Variants in AHI1 observed in about 807,000 individuals in gnomAD.
The protein encoded by AHI1 is jouberin.
In AHI1, 123 loss-of-function variants were observed where a neutral mutation model predicts 149.3. The observed-to-expected ratio is 0.82, with a 90% confidence interval of 0.71 to 0.96. AHI1 has a LOEUF of 0.96. AHI1 is among the 40% of genes least tolerant of loss of function. The pLI is 0.00. For synonymous variants in AHI1, 475 were observed against 459.8 expected (o/e 1.03, Z -0.42); for missense variants, 1,439 against 1,422.7 (o/e 1.01, Z -0.18).
At chr6:135,292,586 C>A (rs1478317829) in intron 27 of AHI1, among the ~76,000 whole-genome samples, 1 of 152,182 alleles carries the variant, frequency 6.6e-6, no homozygotes, top group Non-Finnish European at 1.5e-5. Context: ...CAGCAGTGAA[C>A]TGATGAGTGC....
chr6:135,311,707 A>G (rs1247262727), intron 26 of AHI1, among the ~76,000 whole-genome samples: 1 of 152,226 alleles, frequency 6.6e-6, no homozygotes, highest in African/African-American at 2.4e-5. Flanking sequence ...GTTTGTCAGC[A>G]CTACTCGTTT....
At chr6:135,438,350 A>G (rs368974981) in intron 15 of AHI1, 25 bp downstream of exon 15, 29 of 1,571,100 alleles carry the variant, frequency 1.8e-5, no homozygotes, top group Middle Eastern at 1.7e-4. Context: ...CAGCATGCAC[A>G]TAAGTACTTC....
At chr6:135,306,734 C>T (rs916728203) in intron 26 of AHI1, 5 of 152,102 alleles carry the variant, frequency 3.3e-5, no homozygotes, top group Non-Finnish European at 7.4e-5. Context: ...ACTAAATGTC[C>T]CCCCACCAGG....
At position 135,466,036 on chromosome 6, in the gene AHI1, C is replaced by G; in HGVS notation, c.527G>C (p.Gly176Ala). Residue 176 changes from glycine to alanine, a missense_variant, in exon 7 of 29, where the codon GGA becomes GCA. Transcript: ENST00000265602. ...CTCTTCTAAATCAGTCTCTTCTCTT[C>G]CCTCATTTGCCTTCTCACTTTTCTG... ...DHQKSEKANE[G>A]REETDLEEDE... 6.2e-7 allele frequency: 1 copy of G among 1,613,938 alleles called. No homozygotes were observed. Among genetic ancestry groups the G allele is most frequent in the Non-Finnish European group, 8.5e-7 (1 of 1,179,872 alleles).
intron 26 of AHI1, chr6:135,301,393 G>C (rs1329250462): frequency 7.1e-6 from 7 of 982,772 alleles, no homozygotes; most frequent in Non-Finnish European, 8.5e-6. Flanking sequence ...TGAAATGAAA[G>C]AAAAGGAATA....
intron 24 of AHI1, among the ~76,000 whole-genome samples, chr6:135,352,712 T>C (rs12526679): frequency 0.012 from 1,740 of 145,498 alleles, 32 homozygotes; most frequent in African/African-American, 0.038. Flanking sequence ...TATATATATA[T>C]ACACACACAC....
At chr6:135,308,437 T>C (rs1441438554) in intron 26 of AHI1, among the ~76,000 whole-genome samples, 1 of 152,214 alleles carries the variant, frequency 6.6e-6, no homozygotes, top group African/African-American at 2.4e-5. Context: ...GGTTTCACCA[T>C]GTTGCCCAGG....
chr6:135,410,087 T>A (rs1297920785), intron 21 of AHI1, among the ~76,000 whole-genome samples: 1 of 152,164 alleles, frequency 6.6e-6, no homozygotes, highest in Non-Finnish European at 1.5e-5. Context: ...ACAATCCCCA[T>A]AATGGCTCAT....
Position 135,442,691 on chromosome 6 carries a change from GTGTT to G in AHI1, c.1799_1802del (p.Lys600ThrfsTer5), listed in dbSNP as rs1786504555. ...GTTCTCCTGCATTTAGTGAGAAGAGGTGTTTGTTTGGGATACGGCAAGCCTAAAA... is the reference window on the plus strand; with the variant it reads ...GTTCTCCTGCATTTAGTGAGAAGAGGTGTTTGGGATACGGCAAGCCTAAAA... On this transcript the variant is annotated frameshift_variant, in exon 14 of 29. Transcript: ENST00000265602. LOFTEE classifies it high-confidence loss of function. The G allele has an allele frequency of 2.5e-6, 4 of 1,610,876 alleles. No homozygotes were observed. Among genetic ancestry groups the G allele is most frequent in the East Asian group, 2.2e-5 (1 of 44,806 alleles).
At chr6:135,430,091 C>T (rs943073099) in intron 17 of AHI1, 91 bp from the exon 18 acceptor site, 3 of 693,984 alleles carry the variant, frequency 4.3e-6, no homozygotes, top group Non-Finnish European at 7.4e-6. Flanking sequence ...AATATCATTT[C>T]CAATTCCACT....
At chr6:135,420,711 G>A (rs935457804) in intron 20 of AHI1, among the ~76,000 whole-genome samples, 1 of 152,164 alleles carries the variant, frequency 6.6e-6, no homozygotes, top group African/African-American at 2.4e-5. Flanking sequence ...CTGGCATAAG[G>A]GGGTACTGTG....
chr6:135,447,226 G>T, intron 12 of AHI1, 66 bp from the exon 13 acceptor site: 1 of 1,116,326 alleles, frequency 9.0e-7, no homozygotes, highest in Non-Finnish European at 1.2e-6. Context: ...CTAGCATATA[G>T]TTTTTAAAAT....
chr6:135,378,792 A>G (rs966790734), intron 23 of AHI1, among the ~76,000 whole-genome samples: 5 of 152,188 alleles, frequency 3.3e-5, no homozygotes, highest in Non-Finnish European at 5.9e-5. Context: ...CTGATTTGTT[A>G]TTACAATGCA....
chr6:135,387,884 A>G, intron 23 of AHI1: 1 of 1,556,948 alleles, frequency 6.4e-7, no homozygotes, highest in Non-Finnish European at 8.7e-7. Context: ...ATGTGGAGAC[A>G]TTTATCCGAA....
In AHI1 at chr6:135,300,690, A is replaced by C. The variant is rs1040946467; in HGVS notation, c.3427-132T>G. 5 of 1,470,934 alleles carry C rather than the reference A, an allele frequency of 3.4e-6. No homozygotes were observed. The African/African-American group carries it at 7.1e-5, about 21-fold the overall frequency. 91.1% of individuals were successfully genotyped at this position (1,470,934 alleles called of 1,614,324 possible). On this transcript the variant is annotated intron_variant, in intron 26 of 28. Coordinates refer to ENST00000265602, the MANE Select transcript of AHI1 (RefSeq NM_001134831.2). ...ATGCCTGTTCTGAACAGGAATATCT[A>C]TGCCTGTCCTGAACATATATTGTCT...
At chr6:135,448,088 C>T (rs1018532430) in intron 12 of AHI1, among the ~76,000 whole-genome samples, 13 of 152,218 alleles carry the variant, frequency 8.5e-5, no homozygotes, top group African/African-American at 3.1e-4. Context: ...AACATTTTTC[C>T]TAATACTAAA....
intron 24 of AHI1, among the ~76,000 whole-genome samples, chr6:135,356,722 A>G (rs1044081081): frequency 3.0e-4 from 45 of 152,292 alleles, no homozygotes; most frequent in South Asian, 6.2e-4. Flanking sequence ...CTCTTTTAGC[A>G]TACTTACTAA....
Position 135,302,966 on chromosome 6 carries a change from C to G in AHI1, c.3427-2408G>C, listed in dbSNP as rs9494216. The G allele has an allele frequency of 3.8e-3, 1,668 of 441,786 alleles. 36 individuals carry two copies. Among genetic ancestry groups the G allele is most frequent in the African/African-American group, 0.033 (1,567 of 47,588 alleles). 27.4% of individuals were successfully genotyped at this position (441,786 alleles called of 1,614,324 possible). On this transcript the variant is annotated intron_variant, in intron 26 of 28. Transcript: ENST00000265602. The stretch of plus-strand genomic sequence containing the variant: ...GACTTTGTTTCCTCTTCATGGATAT[C>G]ATTGATTTAGAGAGGAGGGGATGAA...
chr6:135,357,128 G>A lies in AHI1; in HGVS notation c.3165+1004C>T, dbSNP rs531115848. Among the ~76,000 whole-genome samples, 19 of 152,208 alleles carry A rather than the reference G, an allele frequency of 1.2e-4. No homozygotes were observed. In the South Asian group the frequency reaches 1.9e-3, roughly 15 times the overall value. ...TAACTTTTTGTATTTTAGTAGAGATGGGGTTTCACCATGTTGGCCAGGATG... is the reference window on the plus strand; with the variant it reads ...TAACTTTTTGTATTTTAGTAGAGATAGGGTTTCACCATGTTGGCCAGGATG... On this transcript the variant is annotated intron_variant, in intron 24 of 28. Transcript: ENST00000265602.
Sources: allele counts gnomAD v4.1 joint callset (sites outside exome capture counted in the v4.1 genomes callset), GRCh38; gene constraint gnomAD v4.1.1; transcripts MANE v1.5; gene names NCBI Gene and HGNC (gene_info 2026-07-23, HGNC 2026-07-21).